The following IQCJ variants were observed in gnomAD, a reference collection of about 807,000 sequenced individuals.
The protein encoded by IQCJ is IQ motif containing J.
In IQCJ, 9 loss-of-function variants were observed where a neutral mutation model predicts 11.0. The ratio of observed to expected loss-of-function variants is 0.82; its 90% CI spans 0.49 to 1.43. IQCJ has a LOEUF of 1.43. Among genes scored for constraint, IQCJ ranks in the 40% most tolerant of loss-of-function variants. IQCJ has a pLI of 0.00. For synonymous variants in IQCJ, 55 were observed against 51.3 expected, an observed-to-expected ratio of 1.07 and a Z score of -0.31; for missense variants, 146 against 133.2, an observed-to-expected ratio of 1.10 and a Z score of -0.47.
In IQCJ at chr3:159,069,327, CT is replaced by C; in HGVS notation, c.-105del. 4.8e-6 allele frequency: 7 copies of C among 1,447,586 alleles called. No homozygotes were observed. The highest frequency in any genetic ancestry group is 6.4e-6 in the Non-Finnish European group (7 of 1,091,466). 89.7% of individuals were successfully genotyped at this position (1,447,586 alleles called of 1,614,324 possible). On this transcript the variant is annotated 5_prime_UTR_variant, in exon 1 of 4. Transcript: ENST00000397832. ...CAAAGGTTTCCAGCCTCACACTCGC[CT>C]CACATTCCCCCACAGTCACATTGCG... is the stretch of plus-strand genomic sequence containing the variant.
chr3:159,162,057 A>G (rs1169275634), intron 1 of IQCJ, among the ~76,000 whole-genome samples: 1 of 152,150 alleles, frequency 6.6e-6, no homozygotes, highest in African/African-American at 2.4e-5. Flanking sequence ...GTTTTTTCCA[A>G]TTCTGTGAAG....
At chr3:159,181,947 A>G (rs1723114721) in intron 1 of IQCJ, among the ~76,000 whole-genome samples, 1 of 143,322 alleles carries the variant, frequency 7.0e-6, no homozygotes, top group Admixed American at 6.7e-5. Context: ...AAATTCCTTT[A>G]AAGTGTCTCT....
chr3:159,110,817 T>C (rs1173372984), intron 1 of IQCJ, among the ~76,000 whole-genome samples: 2 of 152,142 alleles, frequency 1.3e-5, no homozygotes, highest in African/African-American at 2.4e-5. Context: ...ACAATAAACA[T>C]GTCCTTCTCT....
At chr3:159,133,687 G>T (rs1720123367) in intron 1 of IQCJ, among the ~76,000 whole-genome samples, 1 of 152,084 alleles carries the variant, frequency 6.6e-6, no homozygotes, top group Admixed American at 6.6e-5. Context: ...ATGGGGTTCT[G>T]TACCAGTGCT....
intron 3 of IQCJ, among the ~76,000 whole-genome samples, chr3:159,255,598 G>T (rs1577119382): frequency 6.6e-6 from 1 of 152,174 alleles, no homozygotes; most frequent in Non-Finnish European, 1.5e-5. Flanking sequence ...AGAAAGTGTG[G>T]CTCAGTGAAA....
At chr3:159,142,079 G>A (rs1428507406) in intron 1 of IQCJ, among the ~76,000 whole-genome samples, 2 of 152,172 alleles carry the variant, frequency 1.3e-5, no homozygotes, top group African/African-American at 4.8e-5. Context: ...CACCAGTCCT[G>A]CCTCTGTAGA....
At chr3:159,157,585 T>G (rs1204845741) in intron 1 of IQCJ, among the ~76,000 whole-genome samples, 1 of 152,166 alleles carries the variant, frequency 6.6e-6, no homozygotes, top group Non-Finnish European at 1.5e-5. Flanking sequence ...ATTTATATGG[T>G]CTCAGTTTAA....
chr3:159,240,928 T>C (rs575902188), intron 1 of IQCJ, among the ~76,000 whole-genome samples: 2 of 152,204 alleles, frequency 1.3e-5, no homozygotes, highest in African/African-American at 4.8e-5. Flanking sequence ...TTAAAAGACA[T>C]GGCCAAAACA....
intron 1 of IQCJ, among the ~76,000 whole-genome samples, chr3:159,103,206 A>G (rs1718039211): frequency 6.6e-6 from 1 of 152,218 alleles, no homozygotes; most frequent in African/African-American, 2.4e-5. Context: ...CGTAATGTTT[A>G]ATGTTATTAA....
intron 1 of IQCJ, among the ~76,000 whole-genome samples, chr3:159,081,282 A>G (rs1023487667): frequency 6.6e-6 from 1 of 152,130 alleles, no homozygotes; most frequent in Non-Finnish European, 1.5e-5. Flanking sequence ...CAAACTTCCC[A>G]GTAGACTCTC....
At chr3:159,117,042 A>G (rs1336499850) in intron 1 of IQCJ, among the ~76,000 whole-genome samples, 1 of 152,194 alleles carries the variant, frequency 6.6e-6, no homozygotes, top group East Asian at 1.9e-4. Flanking sequence ...CTAATTAATT[A>G]CATTTTTGTT....
intron 1 of IQCJ, among the ~76,000 whole-genome samples, chr3:159,228,886 A>G (rs1296053330): frequency 1.3e-5 from 2 of 152,208 alleles, no homozygotes; most frequent in African/African-American, 4.8e-5. Context: ...GAAAATTAAT[A>G]TGTGGTTTAG....
chr3:159,102,279 A>T (rs1032618978), intron 1 of IQCJ, among the ~76,000 whole-genome samples: 1 of 152,242 alleles, frequency 6.6e-6, no homozygotes, highest in African/African-American at 2.4e-5. Flanking sequence ...TCATAATCCT[A>T]TTAAAATGTA....
chr3:159,102,799 T>C (rs1718014903), intron 1 of IQCJ, among the ~76,000 whole-genome samples: 1 of 152,218 alleles, frequency 6.6e-6, no homozygotes. Flanking sequence ...CTTCATTTTG[T>C]ATGAGGAATT....
intron 1 of IQCJ, among the ~76,000 whole-genome samples, chr3:159,120,525 G>GCCAT (rs1406022203): frequency 6.6e-6 from 1 of 152,202 alleles, no homozygotes; most frequent in African/African-American, 2.4e-5. Context: ...AGCCATTATA[G>GCCAT]CCATATCTGG....
chr3:159,090,098 G>C (rs887076823), intron 1 of IQCJ, among the ~76,000 whole-genome samples: 1 of 151,722 alleles, frequency 6.6e-6, no homozygotes, highest in Non-Finnish European at 1.5e-5. Context: ...ATGGGTTTTT[G>C]GTGTGGATGT....
rs543454177 is a variant in IQCJ at position 159,107,520 on chromosome 3, A to G, written c.9+38079A>G. On this transcript the variant is annotated intron_variant, in intron 1 of 3. Coordinates refer to ENST00000397832, the MANE Select transcript of IQCJ (RefSeq NM_001042706.3). ...ACTGCTTAAGGGGCTTAAAGCCTTT[A>G]AATTTATTTTCTGAGAAGTGACAAT... Among the ~76,000 whole-genome samples the G allele has an allele frequency of 3.4e-4, 52 of 152,206 alleles. 1 individual carries two copies. Among genetic ancestry groups the G allele is most frequent in the Non-Finnish European group, 5.9e-4 (40 of 68,032 alleles).
intron 1 of IQCJ, among the ~76,000 whole-genome samples, chr3:159,085,788 T>C (rs1210639768): frequency 2.0e-5 from 3 of 151,854 alleles, no homozygotes; most frequent in Admixed American, 2.0e-4. Context: ...TGTAAATTTG[T>C]TTGAGTTCAT....
chr3:159,157,233 C>T (rs564286596), intron 1 of IQCJ, among the ~76,000 whole-genome samples: 2 of 152,334 alleles, frequency 1.3e-5, no homozygotes, highest in East Asian at 3.9e-4. Context: ...ATTCATCACA[C>T]ATCTTTGATC....
Sources: allele counts gnomAD v4.1 joint callset (sites outside exome capture counted in the v4.1 genomes callset), GRCh38; gene constraint gnomAD v4.1.1; transcripts MANE v1.5; gene names NCBI Gene and HGNC (gene_info 2026-07-23, HGNC 2026-07-21).